The following CPNE4 variants were observed in gnomAD, a reference collection of about 807,000 sequenced individuals.
CPNE4 encodes the protein copine 4, also known as copine-4.
A neutral mutation model predicts 67.9 loss-of-function variants in CPNE4; 25 were observed. The ratio of observed to expected loss-of-function variants is 0.37; its 90% CI spans 0.27 to 0.51. CPNE4 has a LOEUF of 0.51. Ranked by LOEUF, CPNE4 falls within the 20% of genes least tolerant of loss-of-function variation. The pLI is 0.93. For missense variants in CPNE4, 464 were observed against 690.8 expected, an observed-to-expected ratio of 0.67 and a Z score of 3.68; for synonymous variants, 242 against 244.9, an observed-to-expected ratio of 0.99 and a Z score of 0.11.
chr3:131,886,318 C>T (rs1053915044), intron 2 of CPNE4, among the ~76,000 whole-genome samples: 1 of 152,224 alleles, frequency 6.6e-6, no homozygotes, highest in Non-Finnish European at 1.5e-5. Flanking sequence ...TGCAGGTACA[C>T]AGAAGTCAAG....
intron 1 of CPNE4, among the ~76,000 whole-genome samples, chr3:131,970,434 G>A (rs917080522): frequency 4.6e-5 from 7 of 152,180 alleles, no homozygotes; most frequent in African/African-American, 1.2e-4. Context: ...AGTCTCATTA[G>A]CTGCACATTT....
intron 2 of CPNE4, among the ~76,000 whole-genome samples, chr3:131,816,467 C>T (rs1014542545): frequency 1.3e-5 from 2 of 152,130 alleles, no homozygotes; most frequent in African/African-American, 4.8e-5. Flanking sequence ...CTTTTCCTAG[C>T]TTGTTTTTCA....
At chr3:131,996,801 T>C (rs1378611034) in intron 1 of CPNE4, among the ~76,000 whole-genome samples, 1 of 152,062 alleles carries the variant, frequency 6.6e-6, no homozygotes, top group Middle Eastern at 3.2e-3. Context: ...AATGGCCATA[T>C]TGCTTTGAAA....
chr3:131,826,148 G>A (rs2085150420), intron 2 of CPNE4, among the ~76,000 whole-genome samples: 1 of 152,146 alleles, frequency 6.6e-6, no homozygotes, highest in Non-Finnish European at 1.5e-5. Flanking sequence ...ACACATAGAT[G>A]TACTGTATAT....
chr3:132,004,577 T>A (rs1560771213), intron 1 of CPNE4, among the ~76,000 whole-genome samples: 1 of 151,694 alleles, frequency 6.6e-6, no homozygotes, highest in African/African-American at 2.4e-5. Context: ...ACACTGACAT[T>A]AAAAAAAAGC....
intron 2 of CPNE4, among the ~76,000 whole-genome samples, chr3:131,874,177 C>T (rs1299339814): frequency 6.6e-6 from 1 of 151,960 alleles, no homozygotes; most frequent in African/African-American, 2.4e-5. Context: ...CAAGCTCCGC[C>T]TCCCGGGTTC....
chr3:131,932,166 C>A (rs1219880903), intron 1 of CPNE4, among the ~76,000 whole-genome samples: 1 of 152,100 alleles, frequency 6.6e-6, no homozygotes, highest in Admixed American at 6.6e-5. Flanking sequence ...GTCTCCAAAC[C>A]AAAGGTCAAC....
intron 2 of CPNE4, among the ~76,000 whole-genome samples, chr3:131,819,479 GACACACACAGAT>G (rs1431712285): frequency 1.6e-5 from 2 of 125,274 alleles, no homozygotes; most frequent in African/African-American, 5.6e-5. Flanking sequence ...CATTCACACA[GACACACACAGAT>G]ACACACACAC....
intron 2 of CPNE4, among the ~76,000 whole-genome samples, chr3:131,812,136 C>T (rs1560372857): frequency 1.3e-5 from 2 of 150,366 alleles, no homozygotes; most frequent in Non-Finnish European, 3.0e-5. Flanking sequence ...TAGTCAAAAT[C>T]ATCCAGGATT....
In CPNE4 at chr3:131,838,552, C is replaced by A. The variant is rs187252551; in HGVS notation, c.180+66712G>T. Among the ~76,000 whole-genome samples, 1,432 of 151,614 alleles carry A rather than the reference C, an allele frequency of 9.4e-3. 11 individuals carry two copies. Among genetic ancestry groups the A allele is most frequent in the Middle Eastern group, 0.021 (6 of 290 alleles). On this transcript the variant is annotated intron_variant, in intron 2 of 15. Transcript: ENST00000429747. ...TGAAAATCAATAGTAAAGGAAATAA[C>A]ATTAAAATTTCAGATTAAAATAATA...
At chr3:131,693,894 C>T (rs1456818855) in intron 5 of CPNE4, among the ~76,000 whole-genome samples, 2 of 152,162 alleles carry the variant, frequency 1.3e-5, no homozygotes, top group Non-Finnish European at 2.9e-5. Flanking sequence ...CTGTTTGAGT[C>T]CCTCTCTTGC....
At chr3:131,761,930 A>C (rs1476327894) in intron 2 of CPNE4, among the ~76,000 whole-genome samples, 1 of 152,102 alleles carries the variant, frequency 6.6e-6, no homozygotes, top group Non-Finnish European at 1.5e-5. Context: ...GGCCTTTTTG[A>C]GAGGAGGTAA....
chr3:131,936,679 G>A (rs2071232665), intron 1 of CPNE4, among the ~76,000 whole-genome samples: 1 of 151,876 alleles, frequency 6.6e-6, no homozygotes, highest in Admixed American at 6.6e-5. Context: ...ACAAAGCATA[G>A]TTCTTAGAAA....
intron 6 of CPNE4, among the ~76,000 whole-genome samples, chr3:131,676,360 ATTATT>A (rs2080568698): frequency 6.6e-6 from 1 of 151,938 alleles, no homozygotes; most frequent in African/African-American, 2.4e-5. Flanking sequence ...AGGCTGGCCC[ATTATT>A]TTATTTATTT....
chr3:131,781,198 A>C (rs1277793840), intron 2 of CPNE4, among the ~76,000 whole-genome samples: 1 of 152,112 alleles, frequency 6.6e-6, no homozygotes, highest in Non-Finnish European at 1.5e-5. Flanking sequence ...CAAGAACTCA[A>C]ACAAAGTTTC....
intron 10 of CPNE4, among the ~76,000 whole-genome samples, chr3:131,573,453 A>G: frequency 6.6e-6 from 1 of 152,150 alleles, no homozygotes; most frequent in South Asian, 2.1e-4. Flanking sequence ...AGCTGGGAAC[A>G]CTTTAGGTTG....
intron 2 of CPNE4, among the ~76,000 whole-genome samples, chr3:131,778,337 G>A (rs1251272793): frequency 6.6e-6 from 1 of 152,060 alleles, no homozygotes; most frequent in African/African-American, 2.4e-5. Flanking sequence ...TCTAGCTCGA[G>A]TCTTGGAGAA....
At chr3:131,952,819 A>G (rs2071804480) in intron 1 of CPNE4, among the ~76,000 whole-genome samples, 1 of 152,224 alleles carries the variant, frequency 6.6e-6, no homozygotes, top group Non-Finnish European at 1.5e-5. Flanking sequence ...GGTGGGGAAA[A>G]GATTGAGAAA....
chr3:131,718,553 C>A (rs1445027235), intron 3 of CPNE4, among the ~76,000 whole-genome samples: 1 of 152,136 alleles, frequency 6.6e-6, no homozygotes, highest in Non-Finnish European at 1.5e-5. Flanking sequence ...GTCCTTATTT[C>A]TTTTCTCTGT....
Sources: allele counts gnomAD v4.1 joint callset (sites outside exome capture counted in the v4.1 genomes callset), GRCh38; gene constraint gnomAD v4.1.1; transcripts MANE v1.5; gene names NCBI Gene and HGNC (gene_info 2026-07-23, HGNC 2026-07-21).